ANKRD10: variants seen among roughly 807,000 people sequenced by gnomAD.
ANKRD10 encodes ankyrin repeat domain 10.
Under a neutral mutation model 27.0 loss-of-function variants are expected in ANKRD10, and 14 were observed. The ratio of observed to expected loss-of-function variants is 0.52; its 90% confidence interval spans 0.34 to 0.81. The LOEUF is 0.81. ANKRD10 is among the 40% of genes least tolerant of loss of function. The pLI, the probability that ANKRD10 is intolerant of heterozygous loss-of-function variation, is 0.01. For missense variants in ANKRD10, 493 were observed against 544.0 expected (o/e 0.91, Z 0.93); for synonymous variants, 250 against 224.5 (o/e 1.11, Z -1.01).
At chr13:110,907,973 A>G (rs1331778775) in intron 2 of ANKRD10, among the ~76,000 whole-genome samples, 2 of 152,224 alleles carry the variant, frequency 1.3e-5, no homozygotes, top group Non-Finnish European at 2.9e-5. Context: ...TGAAAAAGCA[A>G]AACTACCAAG....
At chr13:110,914,538 C>A in intron 1 of ANKRD10, 187 bp downstream of exon 1, 1 of 805,236 alleles carries the variant, frequency 1.2e-6, no homozygotes, top group Non-Finnish European at 1.7e-6. Context: ...CCCGGCTGCC[C>A]CGCCGCGACT....
intron 4 of ANKRD10, among the ~76,000 whole-genome samples, chr13:110,889,534 A>G (rs955385657): frequency 1.3e-5 from 2 of 152,356 alleles, no homozygotes; most frequent in East Asian, 1.9e-4. Flanking sequence ...TTAATATTCA[A>G]GCAATACAAA....
At chr13:110,913,541 T>C (rs1022092352) in intron 1 of ANKRD10, among the ~76,000 whole-genome samples, 1 of 152,168 alleles carries the variant, frequency 6.6e-6, no homozygotes, top group Non-Finnish European at 1.5e-5. Flanking sequence ...TTTCTTTTAT[T>C]GAAAGAAAAG....
chr13:110,891,193 T>C (rs2065063641), intron 4 of ANKRD10, among the ~76,000 whole-genome samples: 1 of 152,146 alleles, frequency 6.6e-6, no homozygotes. Context: ...GGGACAGACA[T>C]GTACAATTCG....
At position 110,890,477 on chromosome 13, in the gene ANKRD10, G is replaced by A. The variant is rs61373111; in HGVS notation, c.691+2551C>T. On this transcript the variant is annotated intron_variant, in intron 4 of 5. Coordinates refer to ENST00000267339, the MANE Select transcript of ANKRD10 (RefSeq NM_017664.4). ...AAATATAAACACACTCTTGTGACGA[G>A]TGTGGCAAATCTAAGGACTGTCAAC... 4.5e-3 allele frequency among the ~76,000 whole-genome samples: 678 copies of A among 152,310 alleles called. 4 individuals carry two copies. The highest frequency in any genetic ancestry group is 0.015 in the African/African-American group (626 of 41,564).
intron 4 of ANKRD10, among the ~76,000 whole-genome samples, chr13:110,891,250 TA>T (rs1427531707): frequency 6.6e-6 from 1 of 152,172 alleles, no homozygotes; most frequent in African/African-American, 2.4e-5. Flanking sequence ...AGGCTTTAAT[TA>T]AAGGAAATGA....
chr13:110,910,468 C>T, intron 2 of ANKRD10, 150 bp downstream of exon 2: 1 of 1,083,396 alleles, frequency 9.2e-7, no homozygotes, highest in East Asian at 2.4e-5. Context: ...CTATCCTCCA[C>T]AAACAACTGA....
At position 110,893,118 on chromosome 13, in the gene ANKRD10, C is replaced by A. The variant is rs1453794584; in HGVS notation, c.601G>T (p.Val201Leu). The stretch of plus-strand genomic sequence containing the variant: ...CCCACACTAATATGATTAGGAAATA[C>A]ATTCTGATGACCCCCATTTAAGATG... The part of the protein sequence containing the change: ...NGILNGGHQN[V>L]FPNHISVGTN... The change falls in exon 4 of 6, where the codon GTA becomes TTA. Residue 201 changes from valine to leucine, a missense_variant. Coordinates refer to ENST00000267339, the MANE Select transcript of ANKRD10 (RefSeq NM_017664.4). The A allele has an allele frequency of 1.2e-6, 2 of 1,614,210 alleles. No homozygotes were observed. Among genetic ancestry groups the A allele is most frequent in the Admixed American group, 3.3e-5 (2 of 60,024 alleles).
intron 4 of ANKRD10, among the ~76,000 whole-genome samples, chr13:110,886,860 CT>C (rs1235670366): frequency 6.6e-6 from 1 of 152,118 alleles, no homozygotes; most frequent in Non-Finnish European, 1.5e-5. Flanking sequence ...TGATTGAATG[CT>C]TCTGAAAATG....
chr13:110,914,630 C>A, intron 1 of ANKRD10, 95 bp downstream of exon 1: 1 of 1,436,482 alleles, frequency 7.0e-7, no homozygotes, highest in South Asian at 1.4e-5. Context: ...CCCCGCGATC[C>A]CGGCACGCCC....
intron 4 of ANKRD10, among the ~76,000 whole-genome samples, chr13:110,890,672 A>C (rs1164374531): frequency 6.6e-6 from 1 of 152,238 alleles, no homozygotes; most frequent in African/African-American, 2.4e-5. Context: ...TACCTGCAAC[A>C]GTGGCTCAAC....
intron 2 of ANKRD10, among the ~76,000 whole-genome samples, chr13:110,907,041 G>A (rs1594628269): frequency 6.6e-6 from 1 of 152,152 alleles, no homozygotes; most frequent in South Asian, 2.1e-4. Flanking sequence ...GGTGGAAAAT[G>A]AAGACTGGGA....
At chr13:110,882,148 C>T (rs1408377101) in intron 5 of ANKRD10, among the ~76,000 whole-genome samples, 1 of 152,186 alleles carries the variant, frequency 6.6e-6, no homozygotes, top group Non-Finnish European at 1.5e-5. Context: ...GGTGGGGACA[C>T]TTGACCCTCC....
intron 2 of ANKRD10, among the ~76,000 whole-genome samples, chr13:110,908,180 C>T (rs1464594283): frequency 6.6e-6 from 1 of 152,084 alleles, no homozygotes; most frequent in African/African-American, 2.4e-5. Flanking sequence ...TGCCAGAATG[C>T]TCAAGACAGG....
chr13:110,911,168 G>GGCCGGGCGCAA (rs2065691828), intron 1 of ANKRD10, among the ~76,000 whole-genome samples: 1 of 152,172 alleles, frequency 6.6e-6, no homozygotes, highest in Non-Finnish European at 1.5e-5. Flanking sequence ...ACTTTGTGTA[G>GGCCGGGCGCAA]GCCGGGCGCA....
chr13:110,907,364 T>C (rs956121304), intron 2 of ANKRD10, among the ~76,000 whole-genome samples: 3 of 152,218 alleles, frequency 2.0e-5, no homozygotes, highest in Admixed American at 6.5e-5. Context: ...CTGCGCAGAC[T>C]ACCACACAAT....
chr13:110,885,665 GCAGA>G (rs1342427375), intron 4 of ANKRD10, among the ~76,000 whole-genome samples: 1 of 152,148 alleles, frequency 6.6e-6, no homozygotes, highest in Non-Finnish European at 1.5e-5. Context: ...TTCATGGCAC[GCAGA>G]CACAGAGAAC....
intron 3 of ANKRD10, chr13:110,903,433 T>C (rs1404457194): frequency 6.5e-6 from 1 of 154,580 alleles, no homozygotes; most frequent in East Asian, 1.9e-4. Flanking sequence ...AAACTCAAGA[T>C]TTAAAATAAG....
intron 1 of ANKRD10, among the ~76,000 whole-genome samples, chr13:110,913,934 G>C (rs2065798262): frequency 1.3e-5 from 2 of 152,204 alleles, no homozygotes; most frequent in South Asian, 4.1e-4. Flanking sequence ...AAGCAGCACT[G>C]TGTTCCCCCA....
Sources: gnomAD v4.1 joint callset for allele counts (sites outside exome capture counted in the v4.1 genomes callset) on GRCh38, gnomAD v4.1.1 for gene constraint, MANE v1.5 for transcripts, NCBI Gene and HGNC (gene_info 2026-07-23, HGNC 2026-07-21) for gene names.